The following CSMD1 variants were observed in gnomAD, a reference collection of about 807,000 sequenced individuals.
The protein encoded by CSMD1 is CUB and sushi domain-containing protein 1.
A neutral mutation model predicts 417.5 loss-of-function variants in CSMD1; 213 were observed. The observed-to-expected ratio is 0.51, with a 90% CI of 0.46 to 0.57. The LOEUF is 0.57. Among genes scored for constraint, CSMD1 ranks in the 20% least tolerant of loss-of-function variants. The pLI, the probability that CSMD1 is intolerant of heterozygous loss-of-function variation, is 0.00. For synonymous variants in CSMD1, 2,862 were observed against 1,736.8 expected (o/e 1.65, Z -16.11); for missense variants, 6,923 against 4,529.7 (o/e 1.53, Z -15.17).
At chr8:3,883,025 C>G (rs988483446) in intron 5 of CSMD1, among the ~76,000 whole-genome samples, 2 of 152,100 alleles carry the variant, frequency 1.3e-5, no homozygotes, top group Non-Finnish European at 2.9e-5. Context: ...TTATCCTGAA[C>G]CAATAAAACG....
intron 3 of CSMD1, among the ~76,000 whole-genome samples, chr8:4,349,998 C>T (rs1435606549): frequency 6.6e-6 from 1 of 151,916 alleles, no homozygotes; most frequent in African/African-American, 2.4e-5. Flanking sequence ...AGCTTTGGTC[C>T]CTGAGCCCTG....
chr8:3,021,101 G>A (rs150235528), intron 51 of CSMD1, among the ~76,000 whole-genome samples: 2 of 152,260 alleles, frequency 1.3e-5, no homozygotes, highest in African/African-American at 4.8e-5. Flanking sequence ...GGTCTGAGTC[G>A]AATTCTTCTT....
chr8:3,949,851 C>A, intron 5 of CSMD1: 1 of 453,886 alleles, frequency 2.2e-6, no homozygotes, highest in Non-Finnish European at 4.4e-6. Flanking sequence ...GAGGGGATCC[C>A]TGGGGACATG....
intron 3 of CSMD1, among the ~76,000 whole-genome samples, chr8:4,161,221 C>T (rs1239916183): frequency 6.6e-6 from 1 of 152,106 alleles, no homozygotes; most frequent in Admixed American, 6.5e-5. Flanking sequence ...ATGAACAACC[C>T]TCTAAAGCAA....
intron 46 of CSMD1, among the ~76,000 whole-genome samples, chr8:3,103,881 T>C (rs568860583): frequency 2.6e-5 from 4 of 152,108 alleles, no homozygotes; most frequent in Non-Finnish European, 5.9e-5. Flanking sequence ...GTAGCTGGGA[T>C]TACAGGCACG....
At chr8:3,356,124 C>G (rs1808770630) in intron 21 of CSMD1, among the ~76,000 whole-genome samples, 1 of 152,186 alleles carries the variant, frequency 6.6e-6, no homozygotes, top group South Asian at 2.1e-4. Context: ...GTTAAAACGG[C>G]ACACTTTTAA....
chr8:3,279,360 T>G (rs1802560274), intron 26 of CSMD1, among the ~76,000 whole-genome samples: 1 of 152,202 alleles, frequency 6.6e-6, no homozygotes, highest in African/African-American at 2.4e-5. Flanking sequence ...GTATTGGACT[T>G]CTTGTCAACT....
chr8:4,454,770 C>G (rs770322835), intron 2 of CSMD1, among the ~76,000 whole-genome samples: 5 of 152,102 alleles, frequency 3.3e-5, no homozygotes, highest in African/African-American at 4.8e-5. Flanking sequence ...TCTGAAATAG[C>G]CATTCTAAAG....
At chr8:4,743,639 A>G (rs940055892) in intron 1 of CSMD1, among the ~76,000 whole-genome samples, 45 of 152,104 alleles carry the variant, frequency 3.0e-4, no homozygotes, top group African/African-American at 1.1e-3. Flanking sequence ...TGCTTTTCCA[A>G]TTTACACCTT....
At position 3,482,135 on chromosome 8, in the gene CSMD1, C is replaced by G. The variant is rs868766844; in HGVS notation, c.1448+11488G>C. On this transcript the variant is annotated intron_variant, in intron 11 of 69. Coordinates refer to ENST00000635120, the MANE Select transcript of CSMD1 (RefSeq NM_033225.6). ...AAAAGCAGTAAAAGGGGAATGAGAA[C>G]CAGAAATAAAGAAATAATAAAATGC... Among the ~76,000 whole-genome samples, 5 of 151,960 alleles carry G rather than the reference C, an allele frequency of 3.3e-5. No individual in the cohort carries two copies. In the South Asian group the frequency reaches 8.3e-4, roughly 25 times the overall value.
At chr8:2,957,166 T>C (rs1436853786) in intron 63 of CSMD1, among the ~76,000 whole-genome samples, 3 of 152,202 alleles carry the variant, frequency 2.0e-5, no homozygotes, top group Non-Finnish European at 4.4e-5. Flanking sequence ...TCCTTAAGTA[T>C]GTATTTGAAT....
chr8:4,131,637 G>C (rs74924032), intron 3 of CSMD1, among the ~76,000 whole-genome samples: 1 of 151,150 alleles, frequency 6.6e-6, no homozygotes, highest in Non-Finnish European at 1.5e-5. Flanking sequence ...TTCTTGACTA[G>C]TTCTCAAGTA....
chr8:4,270,372 C>A (rs1375751411), intron 3 of CSMD1, among the ~76,000 whole-genome samples: 1 of 152,138 alleles, frequency 6.6e-6, no homozygotes, highest in Non-Finnish European at 1.5e-5. Context: ...TCCTGTTCTC[C>A]TTCGTCTCCA....
intron 5 of CSMD1, among the ~76,000 whole-genome samples, chr8:3,878,191 T>G (rs1224381435): frequency 6.6e-6 from 1 of 152,144 alleles, no homozygotes; most frequent in Non-Finnish European, 1.5e-5. Flanking sequence ...TTCCAAATTT[T>G]GTAGTTCAGG....
chr8:3,284,633 C>T (rs1262866752), intron 25 of CSMD1: 1 of 376,428 alleles, frequency 2.7e-6, no homozygotes, highest in Non-Finnish European at 5.0e-6. Context: ...GCTTTTGAGA[C>T]TTCCAGATCT....
intron 7 of CSMD1, among the ~76,000 whole-genome samples, chr8:3,699,188 T>C (rs978142582): frequency 6.6e-6 from 1 of 152,252 alleles, no homozygotes; most frequent in African/African-American, 2.4e-5. Flanking sequence ...CATTACACTG[T>C]GTTTTCTGAC....
intron 39 of CSMD1, among the ~76,000 whole-genome samples, chr8:3,157,652 G>A (rs1469788959): frequency 1.3e-5 from 2 of 152,338 alleles, no homozygotes; most frequent in East Asian, 1.9e-4. Flanking sequence ...GCCGTGAGCG[G>A]GCAGTCTTGC....
rs560201224 is a variant in CSMD1 at position 4,175,634 on chromosome 8, G to A, written c.416-143535C>T. On this transcript the variant is annotated intron_variant, in intron 3 of 69. Coordinates refer to ENST00000635120, the MANE Select transcript of CSMD1 (RefSeq NM_033225.6). ...AATTATCACAGCATAATTTGTGATG[G>A]CAAAAACTTGAAGTCAGAACTATCT... is the stretch of plus-strand genomic sequence containing the variant. 6.6e-5 allele frequency among the ~76,000 whole-genome samples: 10 copies of A among 152,214 alleles called. No homozygotes were observed. In the South Asian group the frequency reaches 1.7e-3, roughly 25 times the overall value.
intron 2 of CSMD1, among the ~76,000 whole-genome samples, chr8:4,514,678 A>C (rs1174355767): frequency 2.6e-5 from 4 of 152,200 alleles, no homozygotes; most frequent in Non-Finnish European, 5.9e-5. Context: ...AACTACATAA[A>C]TAGAGTACCT....
Sources: gnomAD v4.1 joint callset for allele counts (sites outside exome capture counted in the v4.1 genomes callset) on GRCh38, gnomAD v4.1.1 for gene constraint, MANE v1.5 for transcripts, NCBI Gene and HGNC (gene_info 2026-07-23, HGNC 2026-07-21) for gene names.